Variants in GRIK1 observed in about 807,000 individuals in gnomAD.
GRIK1 encodes glutamate ionotropic receptor kainate type subunit 1, also known as glutamate receptor ionotropic, kainate 1.
A neutral mutation model predicts 105.7 loss-of-function variants in GRIK1; 69 were observed. The observed-to-expected ratio is 0.65, with a 90% CI of 0.54 to 0.80. The LOEUF (loss-of-function observed/expected upper bound fraction) is 0.80. Among genes scored for constraint, GRIK1 ranks in the 30% least tolerant of loss-of-function variants. The probability of loss-of-function intolerance (pLI) is 0.00; values close to 1 mark genes in which losing one functional copy is unlikely to be tolerated. For synonymous variants in GRIK1, 438 were observed against 431.3 expected (o/e 1.02, Z -0.19); for missense variants, 1,109 against 1,167.3 (o/e 0.95, Z 0.73).
At chr21:29,692,382 A>G (rs1485931897) in intron 2 of GRIK1, among the ~76,000 whole-genome samples, 1 of 152,194 alleles carries the variant, frequency 6.6e-6, no homozygotes, top group Non-Finnish European at 1.5e-5. Flanking sequence ...TGATAGATCT[A>G]TCTCTACATT....
intron 7 of GRIK1, among the ~76,000 whole-genome samples, chr21:29,608,426 A>G (rs2061665360): frequency 6.6e-6 from 1 of 152,176 alleles, no homozygotes; most frequent in South Asian, 2.1e-4. Context: ...GAATAAAAAC[A>G]AGGAAATGTG....
At chr21:29,822,054 G>T (rs991551152) in intron 1 of GRIK1, among the ~76,000 whole-genome samples, 3 of 151,980 alleles carry the variant, frequency 2.0e-5, no homozygotes, top group Non-Finnish European at 2.9e-5. Flanking sequence ...TTCTTTTGAG[G>T]GGAGGTAGTT....
chr21:29,934,633 A>G (rs1602089207), intron 1 of GRIK1, among the ~76,000 whole-genome samples: 1 of 152,216 alleles, frequency 6.6e-6, no homozygotes, highest in South Asian at 2.1e-4. Context: ...CTTGGCATAC[A>G]TAAGTCCATA....
At chr21:29,920,535 C>G (rs938436281) in intron 1 of GRIK1, among the ~76,000 whole-genome samples, 7 of 152,046 alleles carry the variant, frequency 4.6e-5, no homozygotes, top group Non-Finnish European at 8.8e-5. Context: ...TACAGGAGTT[C>G]ATAGAACCAT....
intron 1 of GRIK1, among the ~76,000 whole-genome samples, chr21:29,699,801 A>C (rs1385455845): frequency 6.6e-6 from 1 of 151,694 alleles, no homozygotes; most frequent in African/African-American, 2.4e-5. Context: ...GGCAAGCACC[A>C]CCACACCCAG....
intron 1 of GRIK1, among the ~76,000 whole-genome samples, chr21:29,812,504 C>G (rs1215256212): frequency 6.6e-6 from 1 of 152,110 alleles, no homozygotes; most frequent in Non-Finnish European, 1.5e-5. Context: ...TAATGAGTTA[C>G]TTCCAATAGT....
At chr21:29,691,290 G>A (rs1359103869) in intron 2 of GRIK1, among the ~76,000 whole-genome samples, 1 of 152,186 alleles carries the variant, frequency 6.6e-6, no homozygotes, top group African/African-American at 2.4e-5. Context: ...CAGCTGGGGT[G>A]ACAGAGCGAG....
At chr21:29,575,258 GGTA>G (rs937597083) in intron 14 of GRIK1, among the ~76,000 whole-genome samples, 12 of 151,756 alleles carry the variant, frequency 7.9e-5, no homozygotes, top group African/African-American at 2.9e-4. Flanking sequence ...TTTCTAAGCT[GGTA>G]TTTTTCACAA....
At chr21:29,668,132 T>C (rs1286800231) in intron 4 of GRIK1, among the ~76,000 whole-genome samples, 1 of 152,214 alleles carries the variant, frequency 6.6e-6, no homozygotes, top group Non-Finnish European at 1.5e-5. Flanking sequence ...AACAGAGCTG[T>C]ACTGAACACT....
intron 1 of GRIK1, among the ~76,000 whole-genome samples, chr21:29,907,023 T>TAAA (rs61372535): frequency 2.9e-5 from 4 of 137,690 alleles, no homozygotes; most frequent in African/African-American, 7.8e-5. Context: ...TCAATAAAAA[T>TAAA]AAAAAAAAAA....
At chr21:29,794,654 T>C (rs1003315372) in intron 1 of GRIK1, among the ~76,000 whole-genome samples, 6 of 152,236 alleles carry the variant, frequency 3.9e-5, no homozygotes, top group Non-Finnish European at 8.8e-5. Context: ...AACTGTTTTC[T>C]TTTTATGTAC....
chr21:29,876,153 C>T (rs996166178), intron 1 of GRIK1, among the ~76,000 whole-genome samples: 8 of 141,422 alleles, frequency 5.7e-5, no homozygotes, highest in Non-Finnish European at 1.2e-4. Context: ...TCTTTCCTGG[C>T]TGTTGTTAAC....
At chr21:29,659,176 T>C (rs2062912869) in intron 4 of GRIK1, among the ~76,000 whole-genome samples, 1 of 152,210 alleles carries the variant, frequency 6.6e-6, no homozygotes, top group Non-Finnish European at 1.5e-5. Flanking sequence ...TTGTTTCAAA[T>C]ATATTTTTCC....
chr21:29,693,911 C>CA lies in GRIK1; in HGVS notation c.270dup (p.Glu91Ter). 1.2e-6 allele frequency: 2 copies of CA among 1,612,922 alleles called. No individual in the cohort carries two copies. The highest frequency in any genetic ancestry group is 1.7e-6 in the Non-Finnish European group (2 of 1,179,186). ...AAATAGTTACCTCTCCGCGAGGCTT[C>CA]AAAACTATCAAAAAGGTTAATTCTC... On this transcript the variant is annotated frameshift_variant, in exon 2 of 18. Coordinates refer to ENST00000327783, the MANE Select transcript of GRIK1 (RefSeq NM_001330994.2). LOFTEE classifies it high-confidence loss of function.
intron 1 of GRIK1, among the ~76,000 whole-genome samples, chr21:29,734,366 C>CTTTTCTTTTCTTTTCTTTTCTTTTCTTT (rs2064718994): frequency 4.1e-5 from 1 of 24,276 alleles, no homozygotes; most frequent in African/African-American, 8.9e-5. Flanking sequence ...CTTTTCTTTT[C>CTTTTCTTTTCTTTTCTTTTCTTTTCTTT]TTTTCTTTTC....
chr21:29,555,093 C>A lies in GRIK1; in HGVS notation c.2566G>T (p.Glu856Ter). 6.2e-7 allele frequency: 1 copy of A among 1,610,042 alleles called. No individual in the cohort carries two copies. The highest frequency in any genetic ancestry group is 8.5e-7 in the Non-Finnish European group (1 of 1,176,326). Residue 856 changes from glutamate to a stop codon, truncating the protein, a stop_gained, in exon 16 of 18, where the codon GAA (glutamate) becomes TAA (stop). Transcript: ENST00000327783. LOFTEE classifies it high-confidence loss of function. ...TTCTTCCGTGATTTGTATATGAATT[C>A]TCCAATAGCTACAAATACAGAAAGG... ...LVLSVFVAIGEFIYKSRKNND... is the reference protein window; with the variant it reads ...LVLSVFVAIG
chr21:29,814,061 C>T (rs1012892659), intron 1 of GRIK1, among the ~76,000 whole-genome samples: 7 of 148,122 alleles, frequency 4.7e-5, no homozygotes, highest in African/African-American at 4.9e-5. Flanking sequence ...ATTACAGGTG[C>T]GTGCCACCAC....
chr21:29,863,289 A>G (rs1052038240), intron 1 of GRIK1, among the ~76,000 whole-genome samples: 1 of 152,200 alleles, frequency 6.6e-6, no homozygotes, highest in Non-Finnish European at 1.5e-5. Context: ...GTGGAGGTCC[A>G]AAAACCATAT....
intron 1 of GRIK1, among the ~76,000 whole-genome samples, chr21:29,829,099 G>A (rs1308626124): frequency 1.3e-5 from 2 of 152,046 alleles, no homozygotes; most frequent in African/African-American, 4.8e-5. Flanking sequence ...AGAAGGATGA[G>A]GATCCTGAAT....
Sources: gnomAD v4.1 joint callset for allele counts (sites outside exome capture counted in the v4.1 genomes callset) on GRCh38, gnomAD v4.1.1 for gene constraint, MANE v1.5 for transcripts, NCBI Gene and HGNC (gene_info 2026-07-23, HGNC 2026-07-21) for gene names.